Variants in LRMDA observed in about 807,000 individuals in gnomAD.
The protein encoded by LRMDA is leucine rich melanocyte differentiation associated, also known as leucine-rich melanocyte differentiation-associated protein.
Under a neutral mutation model 29.8 loss-of-function variants are expected in LRMDA, and 18 were observed. The ratio of observed to expected loss-of-function variants is 0.60; its 90% CI spans 0.42 to 0.90. The LOEUF (loss-of-function observed/expected upper bound fraction) is 0.90. Ranked by LOEUF, LRMDA falls within the 40% of genes least tolerant of loss-of-function variation. The pLI is 0.00. For missense variants in LRMDA, 273 were observed against 273.9 expected, an observed-to-expected ratio of 1.00 and a Z score of 0.02; for synonymous variants, 125 against 109.4, an observed-to-expected ratio of 1.14 and a Z score of -0.89.
At chr10:76,433,756 G>A (rs1282160998) in intron 6 of LRMDA, 1 of 152,284 alleles carries the variant, frequency 6.6e-6, no homozygotes, top group Non-Finnish European at 1.5e-5. Context: ...TTCACCTGCA[G>A]TGCCAGGTAA....
chr10:76,464,632 A>G (rs1487117245), intron 6 of LRMDA, among the ~76,000 whole-genome samples: 2 of 152,226 alleles, frequency 1.3e-5, no homozygotes, highest in Non-Finnish European at 2.9e-5. Context: ...TTGAGTAAAA[A>G]TAAGCAAAAA....
chr10:75,506,023 G>A (rs767790601), intron 2 of LRMDA, among the ~76,000 whole-genome samples: 17 of 152,298 alleles, frequency 1.1e-4, no homozygotes, highest in Middle Eastern at 3.4e-3. Context: ...GAAAACCTGC[G>A]GTGAACTTAG....
At chr10:75,501,288 A>G (rs1845110401) in intron 2 of LRMDA, among the ~76,000 whole-genome samples, 1 of 152,236 alleles carries the variant, frequency 6.6e-6, no homozygotes, top group South Asian at 2.1e-4. Flanking sequence ...CAGACAAGGG[A>G]GTAGATGACA....
rs115753075 is a variant in LRMDA, at chr10:75,973,790, C to T, written c.132-62218C>T. Among the ~76,000 whole-genome samples, 974 of 151,852 alleles carry T rather than the reference C, an allele frequency of 6.4e-3. 12 individuals carry two copies. The highest frequency in any genetic ancestry group is 0.022 in the African/African-American group (921 of 41,392). ...TAATGACAGCACCGTGACTTGGGGG[C>T]GGTGGGGTAGTGGGGGTCAGAAGTA... On this transcript the variant is annotated intron_variant, in intron 2 of 6. Transcript: ENST00000611255.
chr10:75,629,691 A>T (rs1165918837), intron 2 of LRMDA, among the ~76,000 whole-genome samples: 1 of 152,212 alleles, frequency 6.6e-6, no homozygotes, highest in African/African-American at 2.4e-5. Flanking sequence ...AATGGCATTT[A>T]TATCTGTTCA....
At chr10:76,519,333 A>G (rs1248537826) in intron 6 of LRMDA, among the ~76,000 whole-genome samples, 1 of 152,222 alleles carries the variant, frequency 6.6e-6, no homozygotes, top group Non-Finnish European at 1.5e-5. Flanking sequence ...AGGAACAAGG[A>G]GTTGAATGGA....
At chr10:75,609,707 T>C (rs1341330273) in intron 2 of LRMDA, among the ~76,000 whole-genome samples, 1 of 152,202 alleles carries the variant, frequency 6.6e-6, no homozygotes, top group Admixed American at 6.5e-5. Flanking sequence ...TGTGCTATGA[T>C]GAGTCTTGCA....
In LRMDA at chr10:76,168,603, T is replaced by C. The variant is rs547854944; in HGVS notation, c.516+109820T>C. Among the ~76,000 whole-genome samples the C allele has an allele frequency of 4.6e-4, 70 of 151,892 alleles. 2 individuals carry two copies. In the South Asian group the frequency reaches 0.015, roughly 32 times the overall value. On this transcript the variant is annotated intron_variant, in intron 5 of 6. Transcript: ENST00000611255. The stretch of plus-strand genomic sequence containing the variant: ...GTTTAAAGTTTAGGTAGTTCAAGGG[T>C]AAAGATAGCAAAAAAAGGAAAGGAA...
chr10:76,070,165 TC>T (rs1256948756), intron 5 of LRMDA, among the ~76,000 whole-genome samples: 1 of 152,214 alleles, frequency 6.6e-6, no homozygotes, highest in East Asian at 1.9e-4. Flanking sequence ...GTGTTCTTAG[TC>T]ATGTAATTTC....
intron 5 of LRMDA, among the ~76,000 whole-genome samples, chr10:76,322,539 G>A (rs1006367923): frequency 3.3e-5 from 5 of 152,118 alleles, no homozygotes; most frequent in Non-Finnish European, 7.4e-5. Flanking sequence ...CCTACAGTAC[G>A]AAACAAAACT....
rs367980072 is a variant in LRMDA, at chr10:75,637,737, T to G, written c.131+199243T>G. Among the ~76,000 whole-genome samples the G allele has an allele frequency of 5.3e-5, 8 of 152,344 alleles. No individual in the cohort carries two copies. In the East Asian group the frequency reaches 1.2e-3, roughly 22 times the overall value. On this transcript the variant is annotated intron_variant, in intron 2 of 6. Transcript: ENST00000611255. ...GATCACGGGAGTGTCTGTCACACGT[T>G]GATTTCTGCCTCCCCTCTGGGTCTC...
At chr10:75,908,540 T>A (rs1845795453) in intron 2 of LRMDA, among the ~76,000 whole-genome samples, 1 of 152,216 alleles carries the variant, frequency 6.6e-6, no homozygotes, top group African/African-American at 2.4e-5. Flanking sequence ...TAGGGACTCA[T>A]ATACACATTT....
At chr10:75,620,298 CA>C (rs1841165473) in intron 2 of LRMDA, among the ~76,000 whole-genome samples, 1 of 152,134 alleles carries the variant, frequency 6.6e-6, no homozygotes, top group African/African-American at 2.4e-5. Flanking sequence ...GGCATGTATG[CA>C]AAAACTGAAC....
rs144538001 is a variant in LRMDA, at chr10:76,095,678, G to A, written c.516+36895G>A. On this transcript the variant is annotated intron_variant, in intron 5 of 6. Coordinates refer to ENST00000611255, the MANE Select transcript of LRMDA (RefSeq NM_001305581.2). ...AACTTGATATTGTCAATATCTTTTTGTTTTAGTTTTAGTTTCAATTTTTGC... is the reference window on the plus strand; with the variant it reads ...AACTTGATATTGTCAATATCTTTTTATTTTAGTTTTAGTTTCAATTTTTGC... 7.2e-5 allele frequency among the ~76,000 whole-genome samples: 11 copies of A among 152,220 alleles called. No homozygotes were observed. The East Asian group carries it at 1.5e-3, about 21-fold the overall frequency.
intron 5 of LRMDA, among the ~76,000 whole-genome samples, chr10:76,139,024 T>C (rs1850149506): frequency 6.6e-6 from 1 of 152,202 alleles, no homozygotes; most frequent in Non-Finnish European, 1.5e-5. Flanking sequence ...GGTGTGTTCA[T>C]CTGCACCTCC....
intron 6 of LRMDA, among the ~76,000 whole-genome samples, chr10:76,514,658 G>T (rs1033382052): frequency 6.6e-6 from 1 of 152,138 alleles, no homozygotes; most frequent in Non-Finnish European, 1.5e-5. Context: ...TGTGCCAAGC[G>T]AGGGAGCACA....
intron 5 of LRMDA, among the ~76,000 whole-genome samples, chr10:76,191,798 A>G (rs1024961191): frequency 6.6e-6 from 1 of 152,216 alleles, no homozygotes; most frequent in Non-Finnish European, 1.5e-5. Flanking sequence ...GAGATTATTT[A>G]TAAGTGATGT....
intron 2 of LRMDA, among the ~76,000 whole-genome samples, chr10:75,916,996 T>G (rs1845945818): frequency 1.3e-5 from 2 of 152,354 alleles, no homozygotes; most frequent in African/African-American, 4.8e-5. Context: ...CTTGTTGACC[T>G]TATGTTAAGT....
intron 2 of LRMDA, among the ~76,000 whole-genome samples, chr10:76,005,038 A>T (rs1394292835): frequency 6.6e-6 from 1 of 151,998 alleles, no homozygotes; most frequent in Non-Finnish European, 1.5e-5. Context: ...TAAAATTTTT[A>T]CTTTATTAGT....
Sources: allele counts gnomAD v4.1 joint callset (sites outside exome capture counted in the v4.1 genomes callset), GRCh38; gene constraint gnomAD v4.1.1; transcripts MANE v1.5; gene names NCBI Gene and HGNC (gene_info 2026-07-23, HGNC 2026-07-21).